Variants in RFT1 observed in about 807,000 individuals in gnomAD.
RFT1 encodes man(5)GlcNAc(2)-PP-dolichol translocation protein RFT1.
In RFT1, 43 loss-of-function variants were observed where a neutral mutation model predicts 62.2. That is an observed-to-expected ratio of 0.69 (90% CI 0.54 to 0.89). The LOEUF (loss-of-function observed/expected upper bound fraction) is 0.89. Among genes scored for constraint, RFT1 ranks in the 40% least tolerant of loss-of-function variants. RFT1 has a pLI of 0.00. For missense variants in RFT1, 605 were observed against 649.9 expected (o/e 0.93, Z 0.75); for synonymous variants, 262 against 264.6 (o/e 0.99, Z 0.10).
chr3:53,124,556 C>T (rs1311950943), intron 2 of RFT1, among the ~76,000 whole-genome samples: 1 of 152,144 alleles, frequency 6.6e-6, no homozygotes, highest in East Asian at 1.9e-4. Flanking sequence ...GGGAGCAGGG[C>T]AGGCCAGACA....
downstream of RFT1, among the ~76,000 whole-genome samples, chr3:53,084,826 G>C (rs2107049297): frequency 6.6e-6 from 1 of 152,286 alleles, no homozygotes; most frequent in Non-Finnish European, 1.5e-5. Context: ...AAATGTGACA[G>C]GGAAATGGTC....
chr3:53,122,648 T>A (rs1483347162), intron 3 of RFT1, 85 bp from the exon 4 acceptor site: 16 of 851,986 alleles, frequency 1.9e-5, no homozygotes, highest in Non-Finnish European at 2.6e-5. Context: ...CAGAAAAAAA[T>A]AGTTATAATA....
chr3:53,123,019 G>T (rs551446554), intron 3 of RFT1, among the ~76,000 whole-genome samples: 3 of 152,202 alleles, frequency 2.0e-5, no homozygotes, highest in East Asian at 1.9e-4. Flanking sequence ...GTATCCTTTC[G>T]CATGTTTCAC....
chr3:53,079,304 A>G, the RFT1 span, among the ~76,000 whole-genome samples: 1 of 152,146 alleles, frequency 6.6e-6, no homozygotes, highest in Non-Finnish European at 1.5e-5. Context: ...CACACCCCAA[A>G]TGTCCATGGC....
intron 11 of RFT1, among the ~76,000 whole-genome samples, chr3:53,096,801 A>G (rs1286067272): frequency 6.6e-6 from 1 of 152,086 alleles, no homozygotes; most frequent in Admixed American, 6.5e-5. Context: ...CTGGAGTGCA[A>G]TGGCATGATC....
At chr3:53,123,662 C>T (rs1247588039) in intron 3 of RFT1, 62 bp downstream of exon 3, 6 of 1,325,046 alleles carry the variant, frequency 4.5e-6, no homozygotes, top group African/African-American at 1.4e-5. Context: ...GTTACTGTTT[C>T]ATTTCCAATG....
chr3:53,099,202 C>G (rs907355109), intron 11 of RFT1, among the ~76,000 whole-genome samples, 179 bp downstream of exon 11: 7 of 152,210 alleles, frequency 4.6e-5, no homozygotes, highest in Non-Finnish European at 1.0e-4. Context: ...GTGGGGAGCA[C>G]TTGCTGAACC....
chr3:53,106,024 G>C lies in RFT1; in HGVS notation c.827-221C>G, dbSNP rs572900679. ...AGGGTGGGTGGACTGCTTGAGCCAGGGAGTTTGAGATGAGCCTGGGAAACA... is the reference window on the plus strand; with the variant it reads ...AGGGTGGGTGGACTGCTTGAGCCAGCGAGTTTGAGATGAGCCTGGGAAACA... On this transcript the variant is annotated intron_variant, in intron 8 of 12. Transcript: ENST00000296292. 2.3e-4 allele frequency among the ~76,000 whole-genome samples: 35 copies of C among 152,266 alleles called. No individual in the cohort carries two copies. In the South Asian group the frequency reaches 5.4e-3, roughly 24 times the overall value.
At position 53,092,419 on chromosome 3, in the gene RFT1, C is replaced by CT; in HGVS notation, c.1407dup (p.Val470SerfsTer23). ...CTGAGGGCAAATGTCCCGAGCAGGA[C>CT]TGGCGATAGGTGCAGGCCAGCCAGG... is the stretch of plus-strand genomic sequence containing the variant. On this transcript the variant is annotated frameshift_variant, in exon 12 of 13. Coordinates refer to ENST00000296292, the MANE Select transcript of RFT1 (RefSeq NM_052859.4). LOFTEE classifies it high-confidence loss of function. 1.2e-6 allele frequency: 2 copies of CT among 1,609,222 alleles called. No individual in the cohort carries two copies. The highest frequency in any genetic ancestry group is 1.7e-6 in the Non-Finnish European group (2 of 1,178,168).
chr3:53,093,122 C>G (rs903451995), intron 11 of RFT1, among the ~76,000 whole-genome samples: 12 of 152,146 alleles, frequency 7.9e-5, no homozygotes, highest in African/African-American at 2.9e-4. Context: ...ACTTCTGACC[C>G]CTAAGCTTCA....
chr3:53,069,645 G>A, the RFT1 span, among the ~76,000 whole-genome samples: 1,250 of 152,326 alleles, frequency 8.2e-3, 24 homozygotes, highest in African/African-American at 0.028. Context: ...TTTTAGCAAA[G>A]TGTTAGTACA....
chr3:53,076,651 C>T, the RFT1 span, among the ~76,000 whole-genome samples: 1 of 152,020 alleles, frequency 6.6e-6, no homozygotes, highest in Non-Finnish European at 1.5e-5. Flanking sequence ...AGTAGGAAAT[C>T]AATGTTCTAA....
chr3:53,111,805 C>T (rs758102596), intron 7 of RFT1, 25 bp downstream of exon 7: 92 of 1,595,122 alleles, frequency 5.8e-5, no homozygotes, highest in South Asian at 3.7e-4. Context: ...GGTCTCCCGA[C>T]GATTCAGAGT....
chr3:53,125,105 G>A (rs915442397), intron 2 of RFT1, among the ~76,000 whole-genome samples: 3 of 152,252 alleles, frequency 2.0e-5, no homozygotes, highest in Non-Finnish European at 4.4e-5. Flanking sequence ...TCAGCACTAT[G>A]TAGTGCAAAA....
In RFT1 at chr3:53,123,630, G is replaced by A. The variant is rs2107167805; in HGVS notation, c.266+94C>T. On this transcript the variant is annotated intron_variant, in intron 3 of 12. Coordinates refer to ENST00000296292, the MANE Select transcript of RFT1 (RefSeq NM_052859.4). ...AACCCATGACGAAACTGAATCTGGG[G>A]GCAATTCAGCTTTAGGCACGTGTTA... 3 of 959,000 alleles carry A rather than the reference G, an allele frequency of 3.1e-6. No homozygotes were observed. The East Asian group carries it at 7.2e-5, about 23-fold the overall frequency. 59.4% of individuals were successfully genotyped at this position (959,000 alleles called of 1,614,324 possible).
At chr3:53,070,411 T>TTTTG in the RFT1 span, among the ~76,000 whole-genome samples, 1 of 141,418 alleles carries the variant, frequency 7.1e-6, no homozygotes, top group African/African-American at 2.6e-5. Context: ...TTTTTTTTTT[T>TTTTG]TTTTTTTTGA....
intron 6 of RFT1, among the ~76,000 whole-genome samples, chr3:53,112,328 A>G (rs866796421): frequency 9.2e-5 from 14 of 152,346 alleles, no homozygotes; most frequent in African/African-American, 3.4e-4. Context: ...GCCCTTTTAC[A>G]CAAAGTATAG....
chr3:53,103,061 T>C, intron 10 of RFT1: 1 of 973,564 alleles, frequency 1.0e-6, no homozygotes, highest in Non-Finnish European at 1.2e-6. Context: ...ACCACTTCAC[T>C]GGTTTCACAG....
intron 7 of RFT1, among the ~76,000 whole-genome samples, chr3:53,107,958 CA>C (rs1701534664): frequency 6.6e-6 from 1 of 152,206 alleles, no homozygotes; most frequent in South Asian, 2.1e-4. Flanking sequence ...TGGTAGGGAC[CA>C]CTGCAGGTCC....
Sources: gnomAD v4.1 joint callset for allele counts (sites outside exome capture counted in the v4.1 genomes callset) on GRCh38, gnomAD v4.1.1 for gene constraint, MANE v1.5 for transcripts, NCBI Gene and HGNC (gene_info 2026-07-23, HGNC 2026-07-21) for gene names.